The following FAM193A variants were observed in gnomAD, a reference collection of about 807,000 sequenced individuals.
FAM193A encodes the protein protein FAM193A.
FAM193A carries 22 observed loss-of-function variants against 126.5 expected under a neutral mutation model. That is an observed-to-expected ratio of 0.17 (90% CI 0.12 to 0.25). The LOEUF (loss-of-function observed/expected upper bound fraction) is 0.25. Among genes scored for constraint, FAM193A ranks in the 10% least tolerant of loss-of-function variants. FAM193A has a pLI of 1.00. For missense variants in FAM193A, 1,675 were observed against 1,672.8 expected, an observed-to-expected ratio of 1.00 and a Z score of -0.02; for synonymous variants, 761 against 646.8, an observed-to-expected ratio of 1.18 and a Z score of -2.68.
chr4:2,617,662 T>G (rs1742293187), intron 2 of FAM193A, among the ~76,000 whole-genome samples: 1 of 152,154 alleles, frequency 6.6e-6, no homozygotes, highest in African/African-American at 2.4e-5. Context: ...GCTTCCACTT[T>G]TCAGCCTCTA....
chr4:2,641,616 C>CT (rs1422180871), intron 6 of FAM193A, among the ~76,000 whole-genome samples: 4 of 152,190 alleles, frequency 2.6e-5, no homozygotes. Context: ...AATCGTGCCA[C>CT]TGCACTCCAT....
chr4:2,702,000 G>A (rs1197943536), intron 19 of FAM193A, among the ~76,000 whole-genome samples: 3 of 152,104 alleles, frequency 2.0e-5, no homozygotes, highest in African/African-American at 7.2e-5. Flanking sequence ...TCAAACTCCC[G>A]ACCTCAGTTG....
At chr4:2,668,579 A>C (rs35747436) in intron 12 of FAM193A, among the ~76,000 whole-genome samples, 6,437 of 152,250 alleles carry the variant, frequency 0.042, 145 homozygotes, top group South Asian at 0.076. Context: ...TAAAATATAC[A>C]AACTTTGCTC....
At chr4:2,703,405 C>G (rs1717957527) in intron 19 of FAM193A, among the ~76,000 whole-genome samples, 1 of 152,074 alleles carries the variant, frequency 6.6e-6, no homozygotes, top group African/African-American at 2.4e-5. Flanking sequence ...TGCCACCATA[C>G]CCAGCTAATT....
At chr4:2,538,698 G>A (rs1737041921) in intron 1 of FAM193A, among the ~76,000 whole-genome samples, 1 of 151,706 alleles carries the variant, frequency 6.6e-6, no homozygotes, top group South Asian at 2.1e-4. Context: ...GGGGGGGTTT[G>A]CCTGTGCATA....
chr4:2,550,339 C>T (rs1183684813), intron 1 of FAM193A, among the ~76,000 whole-genome samples: 1 of 152,052 alleles, frequency 6.6e-6, no homozygotes, highest in Admixed American at 6.6e-5. Flanking sequence ...AGCCACCACA[C>T]CCAGCCTAGA....
chr4:2,601,226 T>TC (rs770309019), intron 2 of FAM193A, among the ~76,000 whole-genome samples: 3 of 116,576 alleles, frequency 2.6e-5, no homozygotes, highest in Non-Finnish European at 5.5e-5. Flanking sequence ...TTCTTCTTCT[T>TC]CTTTTTTTTT....
rs570107703 is a variant in FAM193A, at chr4:2,652,714, A to C, written c.1312-5089A>C. Among the ~76,000 whole-genome samples the C allele has an allele frequency of 3.3e-5, 5 of 152,362 alleles. No individual in the cohort carries two copies. In the South Asian group the frequency reaches 1.0e-3, roughly 32 times the overall value. ...CCAACAATGGGGATTACAGTTTGACATGAGATTTGGGCGGGGACACAAATC... is the reference window on the plus strand; with the variant it reads ...CCAACAATGGGGATTACAGTTTGACCTGAGATTTGGGCGGGGACACAAATC... On this transcript the variant is annotated intron_variant, in intron 7 of 20. Coordinates refer to ENST00000637812, the MANE Select transcript of FAM193A (RefSeq NM_001366318.2).
In FAM193A at chr4:2,601,985, T is replaced by G. The variant is rs369995268; in HGVS notation, c.501+5656T>G. Among the ~76,000 whole-genome samples the G allele has an allele frequency of 4.6e-5, 7 of 151,828 alleles. No individual in the cohort carries two copies. The East Asian group carries it at 1.4e-3, about 29-fold the overall frequency. ...TCCTGGGTAGCTGGGACTACAGGCA[T>G]GTACCACCGTGCCCAGCTAATTTTT... On this transcript the variant is annotated intron_variant, in intron 2 of 20. Transcript: ENST00000637812.
intron 3 of FAM193A, among the ~76,000 whole-genome samples, chr4:2,626,070 GCATGTAGC>G (rs1369476356): frequency 6.6e-6 from 1 of 152,278 alleles, no homozygotes; most frequent in South Asian, 2.1e-4. Flanking sequence ...AGGAAGGAAT[GCATGTAGC>G]CAAGTGGGGG....
intron 13 of FAM193A, among the ~76,000 whole-genome samples, chr4:2,686,332 C>T (rs549814265): frequency 6.6e-6 from 1 of 152,284 alleles, no homozygotes; most frequent in South Asian, 2.1e-4. Flanking sequence ...CTAAGCTAGA[C>T]ACTGTTCAGC....
At chr4:2,707,793 A>C (rs1020576891) in intron 19 of FAM193A, among the ~76,000 whole-genome samples, 2 of 150,708 alleles carry the variant, frequency 1.3e-5, no homozygotes, top group African/African-American at 2.4e-5. Context: ...GCTCACTGCA[A>C]CCTCTGCCTC....
At chr4:2,691,853 A>G (rs1041269459) in intron 15 of FAM193A, among the ~76,000 whole-genome samples, 3 of 152,032 alleles carry the variant, frequency 2.0e-5, no homozygotes, top group Non-Finnish European at 2.9e-5. Context: ...AAGGATTGGG[A>G]TGCTCAAACA....
intron 1 of FAM193A, among the ~76,000 whole-genome samples, chr4:2,569,187 T>C (rs1739148775): frequency 1.3e-5 from 2 of 152,012 alleles, no homozygotes; most frequent in Admixed American, 1.3e-4. Flanking sequence ...GCCAGGCTGA[T>C]CTCGAACTCG....
intron 1 of FAM193A, among the ~76,000 whole-genome samples, chr4:2,547,059 A>G (rs1015896855): frequency 1.3e-5 from 2 of 152,286 alleles, no homozygotes; most frequent in East Asian, 3.9e-4. Flanking sequence ...CTAGGATTAC[A>G]GGTATAAGCC....
At chr4:2,731,182 G>T in intron 20 of FAM193A, among the ~76,000 whole-genome samples, 1 of 123,872 alleles carries the variant, frequency 8.1e-6, no homozygotes, top group Admixed American at 8.6e-5. Flanking sequence ...GATGACAAGA[G>T]CGAAACTCCT....
Position 2,579,221 on chromosome 4 carries a change from G to A in FAM193A, c.256-16863G>A, listed in dbSNP as rs572797553. 6.6e-5 allele frequency among the ~76,000 whole-genome samples: 10 copies of A among 152,186 alleles called. No homozygotes were observed. The South Asian group carries it at 1.2e-3, about 19-fold the overall frequency. On this transcript the variant is annotated intron_variant, in intron 1 of 20. Coordinates refer to ENST00000637812, the MANE Select transcript of FAM193A (RefSeq NM_001366318.2). Reference sequence around the variant, plus strand: ...CCTTCAAATGATATCATGGCTGGGCGCGGTGGCTCACGCCTGTAATCCCAG... The same window carrying A: ...CCTTCAAATGATATCATGGCTGGGCACGGTGGCTCACGCCTGTAATCCCAG...
intron 16 of FAM193A, 104 bp from the exon 17 acceptor site, chr4:2,694,842 C>G (rs1716850748): frequency 9.9e-7 from 1 of 1,005,294 alleles, no homozygotes. Flanking sequence ...TGCGCTGCCT[C>G]TTGTCTGTGA....
chr4:2,689,295 A>G (rs1041924680), intron 13 of FAM193A, among the ~76,000 whole-genome samples: 3 of 152,190 alleles, frequency 2.0e-5, no homozygotes, highest in Non-Finnish European at 4.4e-5. Flanking sequence ...GTTGCTTTTC[A>G]TATCTACATC....
Sources: allele counts gnomAD v4.1 joint callset (sites outside exome capture counted in the v4.1 genomes callset), GRCh38; gene constraint gnomAD v4.1.1; transcripts MANE v1.5; gene names NCBI Gene and HGNC (gene_info 2026-07-23, HGNC 2026-07-21).